The following ASAP1 variants were observed in gnomAD, a reference collection of about 807,000 sequenced individuals.
The protein encoded by ASAP1 is arf-GAP with SH3 domain, ANK repeat and PH domain-containing protein 1.
A neutral mutation model predicts 145.2 loss-of-function variants in ASAP1; 43 were observed. The observed-to-expected ratio is 0.30, with a 90% CI of 0.23 to 0.38. The LOEUF (loss-of-function observed/expected upper bound fraction) is 0.38, where lower values mean the gene tolerates loss of function less well. ASAP1 is among the 10% of genes least tolerant of loss of function. ASAP1 has a pLI of 1.00. For missense variants in ASAP1, 1,018 were observed against 1,355.3 expected, an observed-to-expected ratio of 0.75 and a Z score of 3.91; for synonymous variants, 546 against 515.5, an observed-to-expected ratio of 1.06 and a Z score of -0.80.
intron 3 of ASAP1, among the ~76,000 whole-genome samples, chr8:130,345,636 T>C (rs1825661528): frequency 1.3e-5 from 2 of 152,060 alleles, no homozygotes; most frequent in African/African-American, 4.8e-5. Context: ...ACTAGCAGGG[T>C]AATGTGAGAG....
chr8:130,286,969 G>A (rs1214034306), intron 3 of ASAP1, among the ~76,000 whole-genome samples: 1 of 152,048 alleles, frequency 6.6e-6, no homozygotes, highest in Non-Finnish European at 1.5e-5. Flanking sequence ...GCCCGTAGGG[G>A]GTCAAAAAGG....
chr8:130,425,946 CACCACT>C (rs1390629762), intron 1 of ASAP1, among the ~76,000 whole-genome samples: 1 of 152,160 alleles, frequency 6.6e-6, no homozygotes, highest in African/African-American at 2.4e-5. Flanking sequence ...CAGCCGTCCC[CACCACT>C]GCCGCTGCTT....
rs185628522 is a variant in ASAP1 at position 130,158,905 on chromosome 8, G to A, written c.1010+959C>T. On this transcript the variant is annotated intron_variant, in intron 12 of 29. Transcript: ENST00000518721. Reference sequence around the variant, plus strand: ...TGCCACCATGCCTGGCTAATTTTTTGTATTTTTAGTAGAGACGGGGTTTCA... The same window carrying A: ...TGCCACCATGCCTGGCTAATTTTTTATATTTTTAGTAGAGACGGGGTTTCA... Among the ~76,000 whole-genome samples the A allele has an allele frequency of 7.8e-3, 1,188 of 152,044 alleles. 15 individuals carry two copies. The highest frequency in any genetic ancestry group is 0.028 in the African/African-American group (1,142 of 41,494).
chr8:130,292,177 AC>A (rs1186986472), intron 3 of ASAP1, among the ~76,000 whole-genome samples: 1 of 152,226 alleles, frequency 6.6e-6, no homozygotes, highest in Admixed American at 6.5e-5. Flanking sequence ...AAGGCAAAAA[AC>A]AAAGTCTGAA....
chr8:130,263,722 G>A (rs143925816), intron 3 of ASAP1, among the ~76,000 whole-genome samples: 1 of 152,310 alleles, frequency 6.6e-6, no homozygotes, highest in Admixed American at 6.5e-5. Context: ...GCTCAGCAAT[G>A]TCTTGCTCTA....
At chr8:130,095,388 C>G (rs936398215) in intron 24 of ASAP1, among the ~76,000 whole-genome samples, 14 of 150,394 alleles carry the variant, frequency 9.3e-5, no homozygotes, top group Non-Finnish European at 1.9e-4. Context: ...GTGACCTCCC[C>G]CTCCTGGGTT....
chr8:130,116,793 TAAG>T, intron 21 of ASAP1, 48 bp from the exon 22 acceptor site: 1 of 1,596,216 alleles, frequency 6.3e-7, no homozygotes, highest in Non-Finnish European at 8.6e-7. Flanking sequence ...GGAAACACCT[TAAG>T]AAGGCAAGGA....
chr8:130,259,884 C>T (rs1819788442), intron 3 of ASAP1, among the ~76,000 whole-genome samples: 1 of 152,186 alleles, frequency 6.6e-6, no homozygotes, highest in African/African-American at 2.4e-5. Flanking sequence ...TAAATAAATA[C>T]TAAGGCTTTC....
At chr8:130,402,538 G>A (rs1008571202) in intron 1 of ASAP1, among the ~76,000 whole-genome samples, 1 of 152,158 alleles carries the variant, frequency 6.6e-6, no homozygotes, top group Non-Finnish European at 1.5e-5. Context: ...TGTTACATAA[G>A]GGAACAGCTT....
intron 3 of ASAP1, among the ~76,000 whole-genome samples, chr8:130,334,198 A>C (rs1824885966): frequency 1.3e-5 from 2 of 152,228 alleles, no homozygotes; most frequent in Admixed American, 6.5e-5. Flanking sequence ...ACATTATCCT[A>C]TAAACCACAA....
intron 27 of ASAP1, among the ~76,000 whole-genome samples, chr8:130,062,996 T>C (rs1241098267): frequency 6.6e-6 from 1 of 151,998 alleles, no homozygotes; most frequent in East Asian, 1.9e-4. Context: ...ACAACAATGA[T>C]ATGTAGCCAA....
At chr8:130,332,768 G>A (rs1824777748) in intron 3 of ASAP1, among the ~76,000 whole-genome samples, 1 of 151,984 alleles carries the variant, frequency 6.6e-6, no homozygotes, top group African/African-American at 2.4e-5. Context: ...TTCCAACCTG[G>A]AAGAAGCCAT....
intron 3 of ASAP1, among the ~76,000 whole-genome samples, chr8:130,276,660 A>C (rs1381981146): frequency 1.3e-5 from 2 of 149,750 alleles, no homozygotes; most frequent in Non-Finnish European, 3.0e-5. Context: ...TTTGCAGGCC[A>C]AACGTGAACT....
intron 23 of ASAP1, among the ~76,000 whole-genome samples, chr8:130,114,427 C>T (rs2097551489): frequency 6.6e-6 from 1 of 152,150 alleles, no homozygotes; most frequent in African/African-American, 2.4e-5. Context: ...AAAAATGGTA[C>T]ATCTATGTAG....
At chr8:130,082,766 C>T (rs1287881753) in intron 25 of ASAP1, 3 of 142,928 alleles carry the variant, frequency 2.1e-5, no homozygotes, top group Admixed American at 7.1e-5. Flanking sequence ...CTGTATTTCC[C>T]AGGCTGGTCT....
chr8:130,354,055 T>C (rs748148963), intron 3 of ASAP1, among the ~76,000 whole-genome samples: 18 of 147,512 alleles, frequency 1.2e-4, no homozygotes, highest in Non-Finnish European at 2.3e-4. Flanking sequence ...GCCCAGCTAA[T>C]TTTTTTTTGT....
At chr8:130,220,271 T>C (rs985031666) in intron 4 of ASAP1, among the ~76,000 whole-genome samples, 1 of 152,206 alleles carries the variant, frequency 6.6e-6, no homozygotes, top group Non-Finnish European at 1.5e-5. Flanking sequence ...TTTACTACTC[T>C]AGTATTACTA....
intron 25 of ASAP1, among the ~76,000 whole-genome samples, chr8:130,085,311 C>CCAGCCTGGGCAACATAGTAAGACCTTG: frequency 6.6e-6 from 1 of 152,172 alleles, no homozygotes; most frequent in African/African-American, 2.4e-5. Context: ...CTTTTTGTTA[C>CCAGCCTGGGCAACATAGTAAGACCTTG]TCATTTTGTG....
chr8:130,070,253 G>A (rs2097440057), intron 27 of ASAP1, among the ~76,000 whole-genome samples: 1 of 152,096 alleles, frequency 6.6e-6, no homozygotes, highest in Non-Finnish European at 1.5e-5. Context: ...TAGCCAGGAT[G>A]GTCTCCATCT....
Sources: allele counts gnomAD v4.1 joint callset (sites outside exome capture counted in the v4.1 genomes callset), GRCh38; gene constraint gnomAD v4.1.1; transcripts MANE v1.5; gene names NCBI Gene and HGNC (gene_info 2026-07-23, HGNC 2026-07-21).